EML4: variants seen among roughly 807,000 people sequenced by gnomAD.
EML4 encodes the protein echinoderm microtubule-associated protein-like 4.
In EML4, 72 loss-of-function variants were observed where a neutral mutation model predicts 129.0. The observed-to-expected ratio is 0.56, with a 90% CI of 0.46 to 0.68. The LOEUF is 0.68. Ranked by LOEUF, EML4 falls within the 30% of genes least tolerant of loss-of-function variation. The probability of loss-of-function intolerance (pLI) is 0.00; values close to 1 mark genes in which losing one functional copy is unlikely to be tolerated. For missense variants in EML4, 1,363 were observed against 1,190.6 expected, an observed-to-expected ratio of 1.14 and a Z score of -2.13; for synonymous variants, 532 against 405.0, an observed-to-expected ratio of 1.31 and a Z score of -3.77.
chr2:42,330,082 G>T lies in EML4; in HGVS notation c.2821G>T (p.Glu941Ter), dbSNP rs142699681. 1.2e-6 allele frequency: 2 copies of T among 1,613,106 alleles called. No individual in the cohort carries two copies. Among genetic ancestry groups the T allele is most frequent in the East Asian group, 2.2e-5 (1 of 44,846 alleles). Residue 941 changes from glutamate to a stop codon, truncating the protein, a stop_gained, in exon 23 of 23, where the codon GAG (glutamate) becomes TAG (stop). Transcript: ENST00000318522. LOFTEE classifies it high-confidence loss of function. ...GCCAAGTGAAGACCACAGCGAGGAG[G>T]AGAGTGAAGAGGGCAGCGGAGACCT... ...VEPSEDHSEE[E>*]SEEGSGDLGE...
chr2:42,325,490 C>T lies in EML4; in HGVS notation c.2178C>T (p.His726=), dbSNP rs374847671. The T allele has an allele frequency of 1.3e-5, 20 of 1,575,628 alleles. No individual in the cohort carries two copies. Among genetic ancestry groups the T allele is most frequent in the Non-Finnish European group, 8.7e-7 (1 of 1,150,788 alleles). Residue 726 remains histidine (H), a synonymous_variant, in exon 20 of 23, where the codon CAC becomes CAT. Coordinates refer to ENST00000318522, the MANE Select transcript of EML4 (RefSeq NM_019063.5). ...RCTGHSSYIT[H]LDWSPDNKYI... ...AGGGACATTCCAGCTACATCACACA[C>T]CTTGACTGGTCCCCAGACAACAAGT...
intron 1 of EML4, among the ~76,000 whole-genome samples, chr2:42,209,084 A>T (rs558620347): frequency 6.6e-6 from 1 of 152,174 alleles, no homozygotes; most frequent in Non-Finnish European, 1.5e-5. Context: ...TTTAAACTGC[A>T]TCTTTATAAT....
intron 13 of EML4, among the ~76,000 whole-genome samples, chr2:42,299,674 T>G (rs1668169545): frequency 6.6e-6 from 1 of 151,982 alleles, no homozygotes; most frequent in Non-Finnish European, 1.5e-5. Flanking sequence ...TTTCACTTAG[T>G]TTTTTTTGTT....
intron 1 of EML4, among the ~76,000 whole-genome samples, chr2:42,199,831 G>C (rs1408401496): frequency 6.6e-6 from 1 of 152,090 alleles, no homozygotes; most frequent in South Asian, 2.1e-4. Flanking sequence ...CTAGTCAGAT[G>C]GTAAATGTAT....
intron 6 of EML4, 61 bp from the exon 7 acceptor site, chr2:42,280,789 C>T: frequency 1.5e-6 from 2 of 1,303,668 alleles, no homozygotes; most frequent in South Asian, 2.8e-5. Flanking sequence ...GTTAATAATC[C>T]ACTTTTGTAT....
intron 1 of EML4, among the ~76,000 whole-genome samples, chr2:42,174,350 G>A (rs1310697165): frequency 1.3e-5 from 2 of 152,044 alleles, no homozygotes; most frequent in Admixed American, 1.3e-4. Context: ...GAGTACAATG[G>A]CACGATCTCA....
At chr2:42,276,043 G>A (rs956389244) in intron 6 of EML4, among the ~76,000 whole-genome samples, 12 of 152,104 alleles carry the variant, frequency 7.9e-5, no homozygotes, top group African/African-American at 2.2e-4. Flanking sequence ...CAAGAAGCCC[G>A]AGAATCTCAG....
At chr2:42,224,114 GTTT>G (rs1161521957) in intron 1 of EML4, among the ~76,000 whole-genome samples, 3 of 152,016 alleles carry the variant, frequency 2.0e-5, no homozygotes, top group African/African-American at 7.2e-5. Flanking sequence ...TACTTCAGTG[GTTT>G]TTAATATATT....
intron 2 of EML4, among the ~76,000 whole-genome samples, chr2:42,254,625 T>C (rs1355027407): frequency 2.0e-5 from 3 of 152,048 alleles, no homozygotes; most frequent in African/African-American, 7.2e-5. Flanking sequence ...GAGTTTTTTT[T>C]TTTTTTTAAC....
At chr2:42,214,831 A>T (rs1276550476) in intron 1 of EML4, among the ~76,000 whole-genome samples, 2 of 152,202 alleles carry the variant, frequency 1.3e-5, no homozygotes, top group Non-Finnish European at 2.9e-5. Flanking sequence ...AGGGCAGCTC[A>T]GTTCTCCTGG....
intron 2 of EML4, among the ~76,000 whole-genome samples, chr2:42,250,008 A>G (rs533752340): frequency 1.3e-5 from 2 of 152,236 alleles, no homozygotes; most frequent in Admixed American, 6.5e-5. Context: ...AAGATGAATT[A>G]TGTCACAGCT....
chr2:42,319,574 T>G (rs936973838), intron 19 of EML4: 1 of 152,226 alleles, frequency 6.6e-6, no homozygotes, highest in East Asian at 1.9e-4. Flanking sequence ...GCTGGTCTTA[T>G]AGTCAGTCCC....
At chr2:42,294,912 A>G (rs1667858726) in intron 11 of EML4, among the ~76,000 whole-genome samples, 1 of 152,188 alleles carries the variant, frequency 6.6e-6, no homozygotes, top group Non-Finnish European at 1.5e-5. Flanking sequence ...GTTTTTATAA[A>G]TAGCATAAAA....
intron 16 of EML4, 58 bp from the exon 17 acceptor site, chr2:42,304,426 T>C (rs1459294225): frequency 1.5e-6 from 2 of 1,329,826 alleles, no homozygotes; most frequent in African/African-American, 2.9e-5. Flanking sequence ...TTTTTGCTAC[T>C]GTCCCCATAG....
intron 13 of EML4, among the ~76,000 whole-genome samples, chr2:42,298,061 T>G (rs1385110931): frequency 1.3e-5 from 2 of 152,208 alleles, no homozygotes; most frequent in Non-Finnish European, 2.9e-5. Flanking sequence ...TTGTAATCTT[T>G]TAAGTGGGTA....
At chr2:42,311,724 C>T (rs559287585) in intron 17 of EML4, among the ~76,000 whole-genome samples, 2 of 151,376 alleles carry the variant, frequency 1.3e-5, no homozygotes, top group Non-Finnish European at 3.0e-5. Context: ...TCAGCTTTGG[C>T]ATTTCTAGGC....
At chr2:42,313,033 C>G (rs1482673406) in intron 17 of EML4, among the ~76,000 whole-genome samples, 1 of 149,514 alleles carries the variant, frequency 6.7e-6, no homozygotes, top group African/African-American at 2.5e-5. Flanking sequence ...GCGGCAAGCT[C>G]CACCGCCTGC....
chr2:42,216,486 C>T (rs1673202105), intron 1 of EML4, among the ~76,000 whole-genome samples: 1 of 151,626 alleles, frequency 6.6e-6, no homozygotes, highest in South Asian at 2.1e-4. Flanking sequence ...CGTGATCCAC[C>T]TATCTCGGCT....
At chr2:42,307,023 A>G (rs1049058200) in intron 17 of EML4, among the ~76,000 whole-genome samples, 23 of 152,316 alleles carry the variant, frequency 1.5e-4, no homozygotes, top group African/African-American at 3.1e-4. Flanking sequence ...ATCTTTGACA[A>G]TTAAATCACT....
Sources: gnomAD v4.1 joint callset for allele counts (sites outside exome capture counted in the v4.1 genomes callset) on GRCh38, gnomAD v4.1.1 for gene constraint, MANE v1.5 for transcripts, NCBI Gene and HGNC (gene_info 2026-07-23, HGNC 2026-07-21) for gene names.